EMC4: variants seen among roughly 807,000 people sequenced by gnomAD.
EMC4 encodes the protein cell proliferation-inducing gene 17 protein.
EMC4 carries 9 observed loss-of-function variants against 24.2 expected under a neutral mutation model. The ratio of observed to expected loss-of-function variants is 0.37; its 90% confidence interval spans 0.22 to 0.65. EMC4 has a LOEUF of 0.65. Ranked by LOEUF, EMC4 falls within the 30% of genes least tolerant of loss-of-function variation. EMC4 has a pLI of 0.59. For synonymous variants in EMC4, 86 were observed against 81.1 expected, an observed-to-expected ratio of 1.06 and a Z score of -0.32; for missense variants, 169 against 234.6, an observed-to-expected ratio of 0.72 and a Z score of 1.83.
At chr15:34,229,048 A>T (rs566128439) in intron 4 of EMC4, 206 of 159,140 alleles carry the variant, frequency 1.3e-3, no homozygotes, top group African/African-American at 3.5e-3. Flanking sequence ...TTAATTAATT[A>T]ATTAATTTAT....
chr15:34,229,606 A>G, intron 4 of EMC4, 147 bp from the exon 5 acceptor site: 1 of 621,440 alleles, frequency 1.6e-6, no homozygotes, highest in Non-Finnish European at 2.9e-6. Context: ...GTGTTTAGCT[A>G]AGATTAGCTA....
At chr15:34,229,591 C>A in intron 4 of EMC4, 162 bp from the exon 5 acceptor site, 1 of 586,680 alleles carries the variant, frequency 1.7e-6, no homozygotes. Flanking sequence ...CCTTGGCCTC[C>A]CAAAGTGTTT....
chr15:34,227,710 C>T lies in EMC4; in HGVS notation c.219C>T (p.Ala73=). 1 of 1,614,012 alleles carries T rather than the reference C, an allele frequency of 6.2e-7. No homozygotes were observed. The highest frequency in any genetic ancestry group is 8.5e-7 in the Non-Finnish European group (1 of 1,179,908). Residue 73 remains alanine (A), a synonymous_variant, in exon 3 of 5, where the codon GCC becomes GCT. Transcript: ENST00000267750. ...ILVEKRCWDI[A]LGPLKQIPMN... ...TGTTTTAGCGCTGCTGGGACATCGCCTTGGGTCCCCTCAAACAGATTCCCA... is the reference window on the plus strand; with the variant it reads ...TGTTTTAGCGCTGCTGGGACATCGCTTTGGGTCCCCTCAAACAGATTCCCA...
Position 34,230,004 on chromosome 15 carries a change from A to G in EMC4, c.*216A>G, listed in dbSNP as rs1312564898. The G allele has an allele frequency of 1.7e-6, 1 of 584,424 alleles. No homozygotes were observed. The highest frequency in any genetic ancestry group is 1.9e-5 in the African/African-American group (1 of 52,748). 36.2% of individuals were successfully genotyped at this position (584,424 alleles called of 1,614,324 possible). A position where few individuals can be genotyped will look rare whatever the true frequency, so the allele number is the denominator to read the frequency against. On this transcript the variant is annotated 3_prime_UTR_variant, in exon 5 of 5. Transcript: ENST00000267750. ...ATACCATAACCCAAGGCTGAAAATAATGTAGAAAACTTTATTTTTGTTTCC... is the reference window on the plus strand; with the variant it reads ...ATACCATAACCCAAGGCTGAAAATAGTGTAGAAAACTTTATTTTTGTTTCC...
In EMC4 at chr15:34,227,723, A is replaced by C; in HGVS notation, c.232A>C (p.Lys78Gln). 2.5e-6 allele frequency: 4 copies of C among 1,614,060 alleles called. No homozygotes were observed. Among genetic ancestry groups the C allele is most frequent in the Non-Finnish European group, 3.4e-6 (4 of 1,179,982 alleles). Residue 78 changes from lysine (K) to glutamine (Q), a missense_variant, in exon 3 of 5, where the codon AAA (lysine) becomes CAA (glutamine). Transcript: ENST00000267750. ...CTGGGACATCGCCTTGGGTCCCCTC[A>C]AACAGATTCCCATGAATCTCTTCAT... The part of the protein sequence containing the change: ...RCWDIALGPL[K>Q]QIPMNLFIMY...
chr15:34,228,361 T>C (rs1890708802), intron 3 of EMC4, 68 bp from the exon 4 acceptor site: 2 of 1,517,208 alleles, frequency 1.3e-6, no homozygotes. Context: ...GAATTTAATA[T>C]ACAGTTGGCT....
chr15:34,225,659 G>T lies in EMC4; in HGVS notation c.201+9G>T. On this transcript the variant is annotated intron_variant, in intron 2 of 4. Transcript: ENST00000267750. ...GGATCCTGGTGGAGAAGGTACAGAG[G>T]TATAGATGTTACCGTAGCCCATGGG... 1 of 1,605,930 alleles carries T rather than the reference G, an allele frequency of 6.2e-7. No homozygotes were observed. Among genetic ancestry groups the T allele is most frequent in the Non-Finnish European group, 8.5e-7 (1 of 1,172,614 alleles).
At chr15:34,226,079 A>T (rs1196873857) in intron 2 of EMC4, 1 of 339,940 alleles carries the variant, frequency 2.9e-6, no homozygotes, top group East Asian at 7.5e-5. Context: ...TTTAGTACAG[A>T]CAGGGTATCA....
At chr15:34,229,692 C>A in intron 4 of EMC4, 61 bp from the exon 5 acceptor site, 1 of 936,464 alleles carries the variant, frequency 1.1e-6, no homozygotes, top group Non-Finnish European at 1.7e-6. Context: ...GTAATTGATT[C>A]AGGAAGTTAT....
intron 3 of EMC4, 85 bp downstream of exon 3, chr15:34,227,931 A>G (rs1279576611): frequency 6.8e-7 from 1 of 1,465,256 alleles, no homozygotes; most frequent in African/African-American, 1.4e-5. Context: ...CTGTAATCCC[A>G]GCACTTTGGG....
chr15:34,228,545 C>A lies in EMC4; in HGVS notation c.472C>A (p.Pro158Thr). 1 of 1,614,000 alleles carries A rather than the reference C, an allele frequency of 6.2e-7. No homozygotes were observed. Among genetic ancestry groups the A allele is most frequent in the Non-Finnish European group, 8.5e-7 (1 of 1,180,014 alleles). ...VYKCQSMGLL[P>T]THASDWLAFI... Reference sequence around the variant, plus strand: ...CAAGTGCCAGTCCATGGGACTGTTACCTACACATGCATCGGATTGGTTAGC... The same window carrying A: ...CAAGTGCCAGTCCATGGGACTGTTAACTACACATGCATCGGATTGGTTAGC... The change falls in exon 4 of 5, where the codon CCT (proline) becomes ACT (threonine). Residue 158 changes from proline (P) to threonine (T), a missense_variant. Transcript: ENST00000267750.
intron 3 of EMC4, 92 bp from the exon 4 acceptor site, chr15:34,228,337 G>A: frequency 7.5e-7 from 1 of 1,339,580 alleles, no homozygotes; most frequent in Non-Finnish European, 1.0e-6. Flanking sequence ...GTCTTACTAT[G>A]GGTCTGTCTA....
At chr15:34,225,421 G>A (rs1376301612) in intron 1 of EMC4, 115 bp from the exon 2 acceptor site, 1 of 887,674 alleles carries the variant, frequency 1.1e-6, no homozygotes, top group Non-Finnish European at 1.8e-6. Context: ...AGGGGGCTTG[G>A]TCTAATCTGA....
At position 34,225,375 on chromosome 15, in the gene EMC4, G is replaced by A. The variant is rs1010030338; in HGVS notation, c.87-161G>A. On this transcript the variant is annotated intron_variant, in intron 1 of 4. Transcript: ENST00000267750. ...CTCTGCTCAAACAATGCTTACATCA[G>A]TCCTCCTGATAAGTCAAAGGACTGA... The A allele has an allele frequency of 6.3e-6, 5 of 788,536 alleles. No homozygotes were observed. In the Admixed American group the frequency reaches 1.1e-4, roughly 17 times the overall value. The allele number at this position is 788,536 out of a possible 1,614,324, so 48.8% of individuals were successfully genotyped here.
intron 3 of EMC4, 42 bp from the exon 4 acceptor site, chr15:34,228,387 G>T (rs751176563): frequency 1.9e-6 from 3 of 1,604,684 alleles, no homozygotes; most frequent in Non-Finnish European, 8.5e-7. Context: ...CGTATTGGGG[G>T]AAAGAGTTCT....
intron 4 of EMC4, 91 bp downstream of exon 4, chr15:34,228,680 G>GAGT (rs1331231889): frequency 9.4e-6 from 6 of 637,576 alleles, no homozygotes; most frequent in Non-Finnish European, 1.2e-5. Flanking sequence ...GTTGGTATTT[G>GAGT]AGTTTCTTTT....
intron 2 of EMC4, chr15:34,226,737 T>C (rs1890658609): frequency 6.6e-6 from 1 of 152,072 alleles, no homozygotes; most frequent in Admixed American, 6.6e-5. Flanking sequence ...AGAGACGGGG[T>C]TTCACCACGT....
At chr15:34,228,087 A>G (rs1890694394) in intron 3 of EMC4, 1 of 456,418 alleles carries the variant, frequency 2.2e-6, no homozygotes, top group Non-Finnish European at 4.0e-6. Context: ...GGAGGCTGAG[A>G]CAGGAGAATC....
chr15:34,229,253 G>C (rs897845827), intron 4 of EMC4: 3 of 152,894 alleles, frequency 2.0e-5, no homozygotes, highest in African/African-American at 7.3e-5. Context: ...TCACCATGTT[G>C]GCCAGGCTGG....
Sources: allele counts gnomAD v4.1 joint callset, GRCh38; gene constraint gnomAD v4.1.1; transcripts MANE v1.5; gene names NCBI Gene and HGNC (gene_info 2026-07-23, HGNC 2026-07-21).